The following KLF3 variants were observed in gnomAD, a reference collection of about 807,000 sequenced individuals.
The protein encoded by KLF3 is KLF transcription factor 3.
Under a neutral mutation model 32.7 loss-of-function variants are expected in KLF3, and 6 were observed. The ratio of observed to expected loss-of-function variants is 0.18; its 90% CI spans 0.10 to 0.36. The LOEUF is 0.36. Among genes scored for constraint, KLF3 ranks in the 10% least tolerant of loss-of-function variants. KLF3 has a pLI of 1.00. For synonymous variants in KLF3, 145 were observed against 172.8 expected, an observed-to-expected ratio of 0.84 and a Z score of 1.26; for missense variants, 338 against 449.7, an observed-to-expected ratio of 0.75 and a Z score of 2.25.
chr4:38,673,958 T>C (rs1314264561), intron 1 of KLF3, among the ~76,000 whole-genome samples: 1 of 152,148 alleles, frequency 6.6e-6, no homozygotes, highest in Non-Finnish European at 1.5e-5. Flanking sequence ...GTGGGTTGTT[T>C]GCTCACTGGA....
At position 38,688,648 on chromosome 4, in the gene KLF3, C is replaced by G. The variant is rs369534232; in HGVS notation, c.121C>G (p.Pro41Ala). The G allele has an allele frequency of 1.1e-5, 18 of 1,614,032 alleles. No individual in the cohort carries two copies. In the African/African-American group the frequency reaches 2.3e-4, roughly 20 times the overall value. ...PNKYGVIYST[P>A]LPEKFFQTPE... ...CAAGTATGGGGTCATCTACTCCACA[C>G]CATTGCCTGAGAAGTTCTTTCAGAC... Residue 41 changes from proline (P) to alanine (A), a missense_variant, in exon 3 of 6, where the codon CCA (proline) becomes GCA (alanine). Pro to Ala is a conservative substitution (Grantham distance 27). Coordinates refer to ENST00000261438, the MANE Select transcript of KLF3 (RefSeq NM_016531.6). The surrounding 1 kb of genome is among the most constrained non-coding windows in gnomAD (Gnocchi z 4.9).
rs542219883 is a variant in KLF3, at chr4:38,674,663, G to A, written c.-39-5924G>A. Among the ~76,000 whole-genome samples the A allele has an allele frequency of 5.2e-4, 79 of 152,226 alleles. No individual in the cohort carries two copies. Among genetic ancestry groups the A allele is most frequent in the Non-Finnish European group, 1.0e-3 (68 of 67,996 alleles). On this transcript the variant is annotated intron_variant, in intron 1 of 5. Transcript: ENST00000261438. The surrounding 1 kb of genome is among the most constrained non-coding windows in gnomAD (Gnocchi z 4.1). ...GCCTCGGGGTCAGTCCTGGGTTGGG[G>A]AAGATAATGCAGGCACCCTTTGAGG...
At chr4:38,684,056 C>T (rs1003318887) in intron 2 of KLF3, among the ~76,000 whole-genome samples, 76 of 152,268 alleles carry the variant, frequency 5.0e-4, no homozygotes, top group African/African-American at 1.6e-3. Flanking sequence ...AATGGACATT[C>T]ACTTTTTTTC....
chr4:38,670,649 T>C (rs1314582831), intron 1 of KLF3, among the ~76,000 whole-genome samples: 1 of 152,220 alleles, frequency 6.6e-6, no homozygotes, highest in Non-Finnish European at 1.5e-5. Context: ...CCGCTGAGTT[T>C]CCAAACCAGG....
intron 1 of KLF3, among the ~76,000 whole-genome samples, chr4:38,679,690 A>G (rs896460168): frequency 6.6e-6 from 1 of 152,210 alleles, no homozygotes; most frequent in Admixed American, 6.5e-5. Context: ...GGGGGATTTG[A>G]TGGTGCAGAA....
chr4:38,668,563 TG>T (rs1280383083), intron 1 of KLF3, among the ~76,000 whole-genome samples: 2 of 152,236 alleles, frequency 1.3e-5, no homozygotes, highest in Non-Finnish European at 2.9e-5. Context: ...TGAAAAAAGC[TG>T]GGAGTTTTAG....
intron 4 of KLF3, 136 bp from the exon 5 acceptor site, chr4:38,694,610 G>A: frequency 2.6e-6 from 2 of 757,620 alleles, no homozygotes; most frequent in Non-Finnish European, 4.2e-6. Flanking sequence ...GGGTTGATCA[G>A]CTAATTTCTT....
At chr4:38,665,795 T>C (rs1267235422) in intron 1 of KLF3, among the ~76,000 whole-genome samples, 1 of 152,242 alleles carries the variant, frequency 6.6e-6, no homozygotes, top group South Asian at 2.1e-4. Context: ...AGTTTTGTGC[T>C]ATCCTTTTCT....
intron 4 of KLF3, 24 bp from the exon 5 acceptor site, chr4:38,694,722 G>A (rs762571827): frequency 6.5e-7 from 1 of 1,536,952 alleles, no homozygotes; most frequent in South Asian, 1.3e-5. Context: ...CTCAACATTT[G>A]GCCTGTAACC....
At chr4:38,675,694 T>C (rs981526013) in intron 1 of KLF3, among the ~76,000 whole-genome samples, 1 of 152,226 alleles carries the variant, frequency 6.6e-6, no homozygotes, top group African/African-American at 2.4e-5. Flanking sequence ...TGTCCTGGTC[T>C]CTAATGCCTG....
intron 1 of KLF3, among the ~76,000 whole-genome samples, chr4:38,680,115 T>C (rs1722474550): frequency 6.6e-6 from 1 of 152,156 alleles, no homozygotes; most frequent in Non-Finnish European, 1.5e-5. Flanking sequence ...ATGGCATCTT[T>C]CATAGGTAAG....
intron 1 of KLF3, among the ~76,000 whole-genome samples, chr4:38,668,130 C>T (rs932647676): frequency 6.6e-6 from 1 of 152,108 alleles, no homozygotes; most frequent in African/African-American, 2.4e-5. Context: ...GAAGAATGCT[C>T]TTCTCATTTT....
In KLF3 at chr4:38,701,468, G is replaced by A. The variant is rs1235184010; in HGVS notation, c.*4205G>A. 6.6e-6 allele frequency among the ~76,000 whole-genome samples: 1 copy of A among 152,164 alleles called. No homozygotes were observed. The highest frequency in any genetic ancestry group is 1.5e-5 in the Non-Finnish European group (1 of 68,028). On this transcript the variant is annotated 3_prime_UTR_variant, in exon 6 of 6. Transcript: ENST00000261438. ...ACTCTCATGTTGGGGAGTGGGGAAC[G>A]AGGAACAGAACAATAACGCATTAAA...
chr4:38,674,923 G>A lies in KLF3; in HGVS notation c.-39-5664G>A, dbSNP rs571301004. 6.6e-6 allele frequency among the ~76,000 whole-genome samples: 1 copy of A among 152,280 alleles called. No individual in the cohort carries two copies. Among genetic ancestry groups the A allele is most frequent in the East Asian group, 1.9e-4 (1 of 5,184 alleles). On this transcript the variant is annotated intron_variant, in intron 1 of 5. Transcript: ENST00000261438. The surrounding 1 kb of genome is among the most constrained non-coding windows in gnomAD (Gnocchi z 4.1). Reference sequence around the variant, plus strand: ...GCAAGCTGCTTTCAGAGGAGGTTTAGTAACCCCCTAACCTCGTCTTCCATG... The same window carrying A: ...GCAAGCTGCTTTCAGAGGAGGTTTAATAACCCCCTAACCTCGTCTTCCATG...
At chr4:38,691,122 G>A (rs1423273827) in intron 4 of KLF3, among the ~76,000 whole-genome samples, 2 of 152,090 alleles carry the variant, frequency 1.3e-5, no homozygotes, top group Non-Finnish European at 2.9e-5. Context: ...GTTTTCAAAG[G>A]AATTATTTTA....
intron 1 of KLF3, among the ~76,000 whole-genome samples, chr4:38,676,220 C>T (rs1722345276): frequency 6.6e-6 from 1 of 152,256 alleles, no homozygotes; most frequent in African/African-American, 2.4e-5. Flanking sequence ...GCAGGCAGAT[C>T]ACTTGAGGTC....
At chr4:38,686,466 A>G (rs1722701442) in intron 2 of KLF3, among the ~76,000 whole-genome samples, 1 of 150,896 alleles carries the variant, frequency 6.6e-6, no homozygotes, top group African/African-American at 2.4e-5. Flanking sequence ...AAAAAAAAGA[A>G]AAGAAAATTC....
chr4:38,681,322 T>C lies in KLF3; in HGVS notation c.57+640T>C, dbSNP rs141329161. On this transcript the variant is annotated intron_variant, in intron 2 of 5. Coordinates refer to ENST00000261438, the MANE Select transcript of KLF3 (RefSeq NM_016531.6). Reference sequence around the variant, plus strand: ...TTTGTGTGTAAAAATATATTAAGAATAGGATGATTTGCTTAAAAACCAATG... The same window carrying C: ...TTTGTGTGTAAAAATATATTAAGAACAGGATGATTTGCTTAAAAACCAATG... Among the ~76,000 whole-genome samples, 159 of 152,236 alleles carry C rather than the reference T, an allele frequency of 1.0e-3. 1 individual carries two copies. The highest frequency in any genetic ancestry group is 3.9e-3 in the South Asian group (19 of 4,828).
rs963093828 is a variant in KLF3 at position 38,697,987 on chromosome 4, T to G, written c.*724T>G. 1 of 152,104 alleles carries G rather than the reference T, an allele frequency of 6.6e-6. No individual in the cohort carries two copies. Among genetic ancestry groups the G allele is most frequent in the African/African-American group, 2.4e-5 (1 of 41,392 alleles). The allele number at this position is 152,104 out of a possible 1,614,324, so 9.4% of individuals were successfully genotyped here. The stretch of plus-strand genomic sequence containing the variant: ...GCATGGAGTCGGAGGAGAGGGCCAT[T>G]TAGCAGGGGGAGCAGAAGAGGCAAT... On this transcript the variant is annotated 3_prime_UTR_variant, in exon 6 of 6. Transcript: ENST00000261438.
Sources: gnomAD v4.1 joint callset for allele counts (sites outside exome capture counted in the v4.1 genomes callset) on GRCh38, gnomAD v4.1.1 for gene constraint, Gnocchi (gnomAD v3.1) non-coding constraint, MANE v1.5 for transcripts, NCBI Gene and HGNC (gene_info 2026-07-23, HGNC 2026-07-21) for gene names.